The following TRIM51 variants were observed in gnomAD, a reference collection of about 807,000 sequenced individuals.
TRIM51 encodes the protein tripartite motif-containing 51.
A neutral mutation model predicts 32.7 loss-of-function variants in TRIM51; 23 were observed. That is an observed-to-expected ratio of 0.70 (90% CI 0.51 to 1.00). TRIM51 has a LOEUF of 1.00. TRIM51 is among the 50% of genes least tolerant of loss of function. The pLI, the probability that TRIM51 is intolerant of heterozygous loss-of-function variation, is 0.00. For synonymous variants in TRIM51, 177 were observed against 181.9 expected (o/e 0.97, Z 0.22); for missense variants, 592 against 539.2 (o/e 1.10, Z -0.97).
chr11:55,888,308 A>G (rs746408496), intron 4 of TRIM51, 46 bp downstream of exon 4: 2 of 1,439,750 alleles, frequency 1.4e-6, no homozygotes, highest in Admixed American at 1.7e-5. Flanking sequence ...ATTCACATAC[A>G]TGGGTGTTTT....
At chr11:55,884,795 T>C (rs1418364473) in intron 1 of TRIM51, among the ~76,000 whole-genome samples, 2 of 152,162 alleles carry the variant, frequency 1.3e-5, no homozygotes, top group Non-Finnish European at 2.9e-5. Context: ...TGTCAGTTCA[T>C]AGTTTGAGTA....
At chr11:55,886,312 C>T in intron 3 of TRIM51, 94 bp downstream of exon 3, 1 of 1,018,836 alleles carries the variant, frequency 9.8e-7, no homozygotes, top group Non-Finnish European at 1.5e-6. Context: ...CATAATGTTT[C>T]TGGAATTCAA....
chr11:55,890,100 G>A (rs900849472), intron 6 of TRIM51, 61 bp downstream of exon 6: 13 of 1,209,592 alleles, frequency 1.1e-5, no homozygotes, highest in Non-Finnish European at 1.5e-5. Context: ...GAATCATGGG[G>A]GTAGTATTTT....
intron 6 of TRIM51, 132 bp from the exon 7 acceptor site, chr11:55,891,001 G>A (rs1386838497): frequency 3.1e-6 from 2 of 652,504 alleles, no homozygotes; most frequent in Admixed American, 3.0e-5. Context: ...AAATGTTGTA[G>A]TCACAATTCT....
chr11:55,885,890 T>G (rs1442950342), intron 2 of TRIM51, 51 bp downstream of exon 2: 29 of 1,610,462 alleles, frequency 1.8e-5, no homozygotes, highest in Non-Finnish European at 2.3e-5. Flanking sequence ...ATGAAATTCT[T>G]GTAAGTCTAT....
At chr11:55,889,604 C>A (rs144249891) in intron 5 of TRIM51, among the ~76,000 whole-genome samples, 10,098 of 152,174 alleles carry the variant, frequency 0.066, 441 homozygotes, top group Non-Finnish European at 0.1. Context: ...AAAAATAACC[C>A]CACTTTTCCA....
chr11:55,886,157 AAAAAGC>A lies in TRIM51; in HGVS notation c.447_452del (p.Glu149_Ala151delinsAsp). On this transcript the variant is annotated inframe_deletion, in exon 3 of 7. Transcript: ENST00000449290. ...CTAAAAAAAATGCAGTCTTTATGGG[AAAAAGC>A]TTGTGAAAATCTCAGAAATCTGAAC... is the stretch of plus-strand genomic sequence containing the variant. 2 of 1,613,454 alleles carry A rather than the reference AAAAAGC, an allele frequency of 1.2e-6. No homozygotes were observed. The highest frequency in any genetic ancestry group is 2.7e-5 in the African/African-American group (2 of 74,992).
intron 1 of TRIM51, among the ~76,000 whole-genome samples, chr11:55,884,161 ATATATATAT>A (rs1237778511): frequency 1.5e-5 from 1 of 68,284 alleles, no homozygotes; most frequent in African/African-American, 9.6e-5. Flanking sequence ...CTATAACTAT[ATATATATAT>A]ATATATATAT....
chr11:55,885,728 G>C lies in TRIM51; in HGVS notation c.300G>C (p.Lys100Asn). The C allele has an allele frequency of 6.2e-7, 1 of 1,611,776 alleles. No homozygotes were observed. The highest frequency in any genetic ancestry group is 8.5e-7 in the Non-Finnish European group (1 of 1,179,738). ...TATGTGGGATGCACAGAGAGACAAA[G>C]AAGATGTTCTGTGAAGTGGACAAGA... ...EQICGMHRET[K>N]KMFCEVDKSL... The change falls in exon 2 of 7, where the codon AAG becomes AAC. Residue 100 changes from lysine to asparagine, a missense_variant. By Grantham distance (94) the Lys-to-Asn change is moderately conservative (BLOSUM62 0). Coordinates refer to ENST00000449290, the MANE Select transcript of TRIM51 (RefSeq NM_032681.4).
In TRIM51 at chr11:55,891,479, T is replaced by C. The variant is rs769341466; in HGVS notation, c.1206T>C (p.Val402=). The C allele has an allele frequency of 5.6e-6, 9 of 1,613,400 alleles. No homozygotes were observed. Among genetic ancestry groups the C allele is most frequent in the Non-Finnish European group, 7.6e-6 (9 of 1,179,758 alleles). The change falls in exon 7 of 7, where the codon GTT becomes GTC. Residue 402 remains valine, a synonymous_variant. Coordinates refer to ENST00000449290, the MANE Select transcript of TRIM51 (RefSeq NM_032681.4). ...FTTSPLVVQY[V]PRPTSTVGLF... ...CCTCCCCACTTGTGGTGCAATATGT[T>C]CCAAGACCTACCAGCACAGTAGGAT...
chr11:55,888,989 A>T lies in TRIM51; in HGVS notation c.749A>T (p.Asp250Val). 1 of 1,610,284 alleles carries T rather than the reference A, an allele frequency of 6.2e-7. No homozygotes were observed. The highest frequency in any genetic ancestry group is 8.5e-7 in the Non-Finnish European group (1 of 1,178,542). The stretch of plus-strand genomic sequence containing the variant: ...TTTTTTTTTTTACAGGCTTTTGGAG[A>T]CATATTACACAGGTGAGTGCACACC... Reference protein sequence around the residue: ...ADVELLQAFGDILHRYESLLL... With the variant: ...ADVELLQAFGVILHRYESLLL... Residue 250 changes from aspartate to valine, a missense_variant, in exon 5 of 7, where the codon GAC becomes GTC. Coordinates refer to ENST00000449290, the MANE Select transcript of TRIM51 (RefSeq NM_032681.4).
chr11:55,891,103 A>G (rs1467762008), intron 6 of TRIM51, 30 bp from the exon 7 acceptor site: 1 of 1,521,660 alleles, frequency 6.6e-7, no homozygotes, highest in South Asian at 1.2e-5. Context: ...AATTACATGT[A>G]TCTATATTTT....
rs138472560 is a variant in TRIM51 at position 55,883,432 on chromosome 11, T to G, written c.-5+48T>G. ...AAATTATTTCTCTCTTCCTTTAAAA[T>G]AGTAAATTACAGTGATAAAAATATC... On this transcript the variant is annotated intron_variant, in intron 1 of 6. Coordinates refer to ENST00000449290, the MANE Select transcript of TRIM51 (RefSeq NM_032681.4). 4.2e-3 allele frequency: 639 copies of G among 152,280 alleles called. 7 individuals are homozygous for G. The highest frequency in any genetic ancestry group is 0.015 in the African/African-American group (611 of 41,576). 9.4% of individuals were successfully genotyped at this position (152,280 alleles called of 1,614,324 possible).
intron 3 of TRIM51, among the ~76,000 whole-genome samples, chr11:55,887,820 A>G (rs1236455082): frequency 6.6e-6 from 1 of 152,164 alleles, no homozygotes; most frequent in African/African-American, 2.4e-5. Context: ...CTTAGAAAAC[A>G]TTTTATCATT....
At chr11:55,888,887 C>T (rs111937228) in intron 4 of TRIM51, 92 bp from the exon 5 acceptor site, 11 of 1,174,098 alleles carry the variant, frequency 9.4e-6, no homozygotes, top group African/African-American at 9.1e-5. Flanking sequence ...AAAATAGTAT[C>T]TTCAGAAACT....
intron 1 of TRIM51, among the ~76,000 whole-genome samples, chr11:55,885,189 C>T (rs1280666826): frequency 6.6e-6 from 1 of 152,090 alleles, no homozygotes; most frequent in Non-Finnish European, 1.5e-5. Flanking sequence ...TTGCATTATG[C>T]TATGGGCAGG....
In TRIM51 at chr11:55,885,677, G is replaced by A. The variant is rs763783173; in HGVS notation, c.249G>A (p.Arg83=). The A allele has an allele frequency of 1.4e-5, 22 of 1,610,932 alleles. No individual in the cohort carries two copies. In the South Asian group the frequency reaches 2.3e-4, roughly 17 times the overall value. Residue 83 remains arginine, a synonymous_variant, in exon 2 of 7, where the codon CGG becomes CGA. Transcript: ENST00000449290. ...MAFIARKASL[R]QFLSSEEQIC... ...TCATTGCCAGAAAAGCCAGCCTCCG[G>A]CAATTCCTTAGCTCTGAGGAGCAAA...
At chr11:55,886,690 A>G (rs1425014006) in intron 3 of TRIM51, among the ~76,000 whole-genome samples, 1 of 152,210 alleles carries the variant, frequency 6.6e-6, no homozygotes, top group Non-Finnish European at 1.5e-5. Flanking sequence ...ATGAAATATC[A>G]GCACTAATTA....
In TRIM51 at chr11:55,888,251, G is replaced by A. The variant is rs531301650; in HGVS notation, c.727G>A (p.Glu243Lys). The stretch of plus-strand genomic sequence containing the variant: ...GCAAATGTGCCATAAAGCAGATGTG[G>A]AGCTACTCCAGGTATGGACTGACCA... ...LKQMCHKADV[E>K]LLQAFGDILH... Residue 243 changes from glutamate to lysine, a missense_variant, in exon 4 of 7, where the codon GAG becomes AAG. Physicochemically the swap from Glu to Lys is moderately conservative, Grantham distance 56 (BLOSUM62 1). Transcript: ENST00000449290. 1 of 1,611,842 alleles carries A rather than the reference G, an allele frequency of 6.2e-7. No homozygotes were observed. Among genetic ancestry groups the A allele is most frequent in the African/African-American group, 1.3e-5 (1 of 74,982 alleles).
Sources: allele counts gnomAD v4.1 joint callset (sites outside exome capture counted in the v4.1 genomes callset), GRCh38; gene constraint gnomAD v4.1.1; transcripts MANE v1.5; gene names NCBI Gene and HGNC (gene_info 2026-07-23, HGNC 2026-07-21).